The following CRPPA variants were observed in gnomAD, a reference collection of about 807,000 sequenced individuals.
CRPPA encodes D-ribitol-5-phosphate cytidylyltransferase.
Under a neutral mutation model 52.0 loss-of-function variants are expected in CRPPA, and 43 were observed. The observed-to-expected ratio is 0.83, with a 90% CI of 0.65 to 1.07. CRPPA has a LOEUF of 1.07. Ranked by LOEUF, CRPPA falls within the 50% of genes least tolerant of loss-of-function variation. The pLI, the probability that CRPPA is intolerant of heterozygous loss-of-function variation, is 0.00. For synonymous variants in CRPPA, 250 were observed against 203.5 expected (o/e 1.23, Z -1.94); for missense variants, 629 against 551.7 (o/e 1.14, Z -1.40).
At chr7:16,218,358 C>G in intron 8 of CRPPA, among the ~76,000 whole-genome samples, 1 of 130,824 alleles carries the variant, frequency 7.6e-6, no homozygotes, top group African/African-American at 2.9e-5. Flanking sequence ...TAAAGACCAT[C>G]GAGACTAGGA....
chr7:16,417,817 G>C (rs993803556), intron 1 of CRPPA, among the ~76,000 whole-genome samples: 7 of 152,090 alleles, frequency 4.6e-5, no homozygotes, highest in African/African-American at 1.7e-4. Context: ...AATCAAATTT[G>C]GGGTATCACA....
chr7:16,336,081 G>T (rs999716815), intron 3 of CRPPA, among the ~76,000 whole-genome samples: 1 of 152,166 alleles, frequency 6.6e-6, no homozygotes, highest in African/African-American at 2.4e-5. Flanking sequence ...CAGAGAGTTT[G>T]TTGCTAATAG....
chr7:16,124,539 G>A (rs1406638917), intron 9 of CRPPA, among the ~76,000 whole-genome samples: 2 of 152,264 alleles, frequency 1.3e-5, no homozygotes, highest in East Asian at 1.9e-4. Context: ...TGATTTCATA[G>A]AAATAAAGAG....
chr7:16,371,131 G>A (rs1319056905), intron 3 of CRPPA, among the ~76,000 whole-genome samples: 3 of 151,908 alleles, frequency 2.0e-5, no homozygotes, highest in African/African-American at 7.2e-5. Context: ...CTAATTGAGA[G>A]CTCCCCCAGC....
intron 9 of CRPPA, among the ~76,000 whole-genome samples, chr7:16,116,928 G>C (rs771177968): frequency 1.9e-4 from 29 of 152,116 alleles, no homozygotes; most frequent in Non-Finnish European, 3.1e-4. Context: ...AAGCAATCTG[G>C]CTGAAAGTCT....
chr7:16,371,650 G>C (rs1245534646), intron 3 of CRPPA, among the ~76,000 whole-genome samples: 2 of 150,984 alleles, frequency 1.3e-5, no homozygotes, highest in Admixed American at 1.3e-4. Flanking sequence ...GACAAAACAG[G>C]GTTCTATAAC....
intron 4 of CRPPA, among the ~76,000 whole-genome samples, chr7:16,303,250 C>T (rs943309863): frequency 4.0e-5 from 6 of 151,782 alleles, no homozygotes; most frequent in Non-Finnish European, 5.9e-5. Flanking sequence ...TAGTTTTGGT[C>T]CAGGATTTAC....
intron 3 of CRPPA, among the ~76,000 whole-genome samples, chr7:16,365,070 G>A (rs1342410064): frequency 1.3e-5 from 2 of 152,194 alleles, no homozygotes; most frequent in African/African-American, 2.4e-5. Context: ...CCACCAGAGT[G>A]ACTAACTGCT....
intron 3 of CRPPA, among the ~76,000 whole-genome samples, chr7:16,374,052 T>C (rs1786817306): frequency 6.6e-6 from 1 of 152,118 alleles, no homozygotes; most frequent in Non-Finnish European, 1.5e-5. Context: ...ATTAACTTGA[T>C]TAGATTAAAG....
At chr7:16,214,209 A>G (rs919061181) in intron 9 of CRPPA, among the ~76,000 whole-genome samples, 14 of 152,226 alleles carry the variant, frequency 9.2e-5, no homozygotes, top group African/African-American at 3.4e-4. Context: ...TACGCTAAAA[A>G]TTATTGTTTA....
rs144016362 is a variant in CRPPA at position 16,318,090 on chromosome 7, C to G, written c.685-9463G>C. Among the ~76,000 whole-genome samples the G allele has an allele frequency of 6.9e-3, 1,048 of 152,264 alleles. 17 individuals are homozygous for G. Among genetic ancestry groups the G allele is most frequent in the African/African-American group, 0.025 (1,027 of 41,550 alleles). Reference sequence around the variant, plus strand: ...GAAGCTCCATCCGTCATCTCTCTTACTTTCTCCTAACCTAGCCCTTTTACC... The same window carrying G: ...GAAGCTCCATCCGTCATCTCTCTTAGTTTCTCCTAACCTAGCCCTTTTACC... On this transcript the variant is annotated intron_variant, in intron 3 of 9. Transcript: ENST00000407010.
intron 9 of CRPPA, among the ~76,000 whole-genome samples, chr7:16,106,631 A>G (rs1244583610): frequency 6.6e-6 from 1 of 152,182 alleles, no homozygotes; most frequent in Non-Finnish European, 1.5e-5. Context: ...CTACATAGTG[A>G]AGATCTATCC....
At chr7:16,405,106 A>G (rs190863392) in intron 2 of CRPPA, among the ~76,000 whole-genome samples, 2 of 145,830 alleles carry the variant, frequency 1.4e-5, no homozygotes, top group East Asian at 3.9e-4. Context: ...TTAAAGGGGA[A>G]AAAAAAAAAA....
intron 3 of CRPPA, among the ~76,000 whole-genome samples, chr7:16,359,986 C>T (rs910440533): frequency 6.6e-6 from 1 of 152,176 alleles, no homozygotes; most frequent in African/African-American, 2.4e-5. Context: ...ACTCTAGCCT[C>T]TGCTTCTATG....
At chr7:16,292,086 A>G (rs1412015891) in intron 5 of CRPPA, among the ~76,000 whole-genome samples, 1 of 151,944 alleles carries the variant, frequency 6.6e-6, no homozygotes, top group Non-Finnish European at 1.5e-5. Flanking sequence ...AACATTAGCC[A>G]TTGTGTACCA....
At chr7:16,362,938 C>T (rs1786496563) in intron 3 of CRPPA, among the ~76,000 whole-genome samples, 1 of 152,108 alleles carries the variant, frequency 6.6e-6, no homozygotes, top group Non-Finnish European at 1.5e-5. Flanking sequence ...TCCCCATCCC[C>T]TACAGATACG....
chr7:16,376,232 C>G lies in CRPPA; in HGVS notation c.544G>C (p.Ala182Pro), dbSNP rs1231109477. 1 of 1,599,040 alleles carries G rather than the reference C, an allele frequency of 6.3e-7. No individual in the cohort carries two copies. Among genetic ancestry groups the G allele is most frequent in the African/African-American group, 1.3e-5 (1 of 74,320 alleles). ...TAAKEHGAAG[A>P]IRPLVSTVVS... ...ACAGTAGATACAAGAGGTCGAATGGCTCCTGCTGCCTGAAGAACAAAGAGG... is the reference window on the plus strand; with the variant it reads ...ACAGTAGATACAAGAGGTCGAATGGGTCCTGCTGCCTGAAGAACAAAGAGG... Residue 182 changes from alanine (A) to proline (P), a missense_variant, in exon 3 of 10, where the codon GCC (alanine) becomes CCC (proline). Physicochemically the swap from Ala to Pro is conservative, Grantham distance 27 (BLOSUM62 -1). Coordinates refer to ENST00000407010, the MANE Select transcript of CRPPA (RefSeq NM_001101426.4).
intron 9 of CRPPA, among the ~76,000 whole-genome samples, chr7:16,147,184 C>T (rs1208500959): frequency 6.6e-6 from 1 of 152,200 alleles, no homozygotes; most frequent in Non-Finnish European, 1.5e-5. Flanking sequence ...CCCTGCAGAG[C>T]TGTGAGTCCA....
At chr7:16,151,808 C>T (rs946282520) in intron 9 of CRPPA, among the ~76,000 whole-genome samples, 8 of 151,714 alleles carry the variant, frequency 5.3e-5, no homozygotes, top group Admixed American at 1.3e-4. Flanking sequence ...ACATTTTCAA[C>T]GTAATTTTTC....
Sources: allele counts gnomAD v4.1 joint callset (sites outside exome capture counted in the v4.1 genomes callset), GRCh38; gene constraint gnomAD v4.1.1; transcripts MANE v1.5; gene names NCBI Gene and HGNC (gene_info 2026-07-23, HGNC 2026-07-21).